The following TMEM63C variants were observed in gnomAD, a reference collection of about 807,000 sequenced individuals.
TMEM63C encodes transmembrane protein 63C, also known as osmosensitive cation channel TMEM63C.
Under a neutral mutation model 99.2 loss-of-function variants are expected in TMEM63C, and 32 were observed. The observed-to-expected ratio is 0.32, with a 90% CI of 0.24 to 0.43. The LOEUF is 0.43. Among genes scored for constraint, TMEM63C ranks in the 20% least tolerant of loss-of-function variants. The pLI is 1.00. For missense variants in TMEM63C, 826 were observed against 1,053.0 expected (o/e 0.78, Z 2.98); for synonymous variants, 376 against 397.9 (o/e 0.94, Z 0.66).
intron 2 of TMEM63C, 27 bp from the exon 3 acceptor site, chr14:77,218,774 C>T (rs370281399): frequency 1.2e-6 from 2 of 1,609,356 alleles, no homozygotes; most frequent in Non-Finnish European, 1.7e-6. Context: ...GTCTTTGCAT[C>T]TGACCTGGAT....
chr14:77,201,484 G>A (rs1234712406), intron 1 of TMEM63C, among the ~76,000 whole-genome samples: 5 of 152,214 alleles, frequency 3.3e-5, no homozygotes, highest in Non-Finnish European at 4.4e-5. Context: ...GGTCAGATGA[G>A]GGAGCTGAAA....
chr14:77,203,944 A>G (rs917967350), intron 1 of TMEM63C, among the ~76,000 whole-genome samples: 4 of 152,168 alleles, frequency 2.6e-5, no homozygotes, highest in Non-Finnish European at 4.4e-5. Flanking sequence ...CTATATCCCT[A>G]TGGCTGCTTC....
In TMEM63C at chr14:77,210,059, C is replaced by A. The variant is rs1221299218; in HGVS notation, c.-76-3387C>A. Among the ~76,000 whole-genome samples, 3 of 152,326 alleles carry A rather than the reference C, an allele frequency of 2.0e-5. No individual in the cohort carries two copies. In the East Asian group the frequency reaches 5.8e-4, roughly 29 times the overall value. Reference sequence around the variant, plus strand: ...GAGGTATCATCCTTTATCCCCAAATCTCTCCACCCTCTCTCCTTATTTAGG... The same window carrying A: ...GAGGTATCATCCTTTATCCCCAAATATCTCCACCCTCTCTCCTTATTTAGG... On this transcript the variant is annotated intron_variant, in intron 1 of 23. Coordinates refer to ENST00000298351, the MANE Select transcript of TMEM63C (RefSeq NM_020431.4).
At position 77,253,332 on chromosome 14, in the gene TMEM63C, T is replaced by A. The variant is rs1447572774; in HGVS notation, c.2176T>A (p.Phe726Ile). 6.2e-7 allele frequency: 1 copy of A among 1,613,190 alleles called. No individual in the cohort carries two copies. Among genetic ancestry groups the A allele is most frequent in the South Asian group, 1.1e-5 (1 of 90,674 alleles). Residue 726 changes from phenylalanine to isoleucine, a missense_variant, in exon 23 of 24, where the codon TTT becomes ATT. Phe to Ile is a conservative substitution (Grantham distance 21, BLOSUM62 0). Coordinates refer to ENST00000298351, the MANE Select transcript of TMEM63C (RefSeq NM_020431.4). ...CGAGGAGGAGGAGATCCAGACAGTGTTTGACATGGAGCCAAGCAGCACCTC... is the reference window on the plus strand; with the variant it reads ...CGAGGAGGAGGAGATCCAGACAGTGATTGACATGGAGCCAAGCAGCACCTC... ...EPEEEEIQTV[F>I]DMEPSSTSST...
intron 8 of TMEM63C, among the ~76,000 whole-genome samples, chr14:77,234,342 AT>A (rs879846680): frequency 6.6e-6 from 1 of 152,088 alleles, no homozygotes; most frequent in Non-Finnish European, 1.5e-5. Context: ...GAAAGGGGCT[AT>A]GGCATCCTCT....
chr14:77,232,917 G>T (rs1191651887), intron 7 of TMEM63C, among the ~76,000 whole-genome samples: 1 of 152,200 alleles, frequency 6.6e-6, no homozygotes, highest in African/African-American at 2.4e-5. Flanking sequence ...GAGTGTCCAT[G>T]CCACCAAATG....
chr14:77,187,799 T>C (rs1207600453), intron 1 of TMEM63C, among the ~76,000 whole-genome samples: 4 of 152,202 alleles, frequency 2.6e-5, no homozygotes, highest in African/African-American at 9.7e-5. Flanking sequence ...TGACTCTGCC[T>C]GCTTCCCCTG....
chr14:77,236,522 G>A (rs565513576), intron 8 of TMEM63C, 102 bp from the exon 9 acceptor site: 2 of 787,002 alleles, frequency 2.5e-6, no homozygotes, highest in Non-Finnish European at 4.3e-6. Flanking sequence ...GGGCTGGGGG[G>A]CCCCAGGAGA....
chr14:77,207,712 G>A lies in TMEM63C; in HGVS notation c.-76-5734G>A, dbSNP rs924299470. Among the ~76,000 whole-genome samples, 20 of 152,302 alleles carry A rather than the reference G, an allele frequency of 1.3e-4. No homozygotes were observed. The East Asian group carries it at 2.1e-3, about 16-fold the overall frequency. ...TGCTACCTCTCATGTTGCTTGTGAG[G>A]AATAAACGATGTTCAGTGGGATAGC... is the stretch of plus-strand genomic sequence containing the variant. On this transcript the variant is annotated intron_variant, in intron 1 of 23. Coordinates refer to ENST00000298351, the MANE Select transcript of TMEM63C (RefSeq NM_020431.4).
intron 7 of TMEM63C, among the ~76,000 whole-genome samples, chr14:77,232,348 C>T (rs1045766589): frequency 3.9e-5 from 6 of 152,060 alleles, no homozygotes; most frequent in Non-Finnish European, 8.8e-5. Context: ...AGTGCAATGG[C>T]GCGATCTCAG....
At chr14:77,226,468 C>T (rs761340254) in intron 6 of TMEM63C, among the ~76,000 whole-genome samples, 4 of 152,208 alleles carry the variant, frequency 2.6e-5, no homozygotes, top group Non-Finnish European at 4.4e-5. Context: ...AGACTCCCTT[C>T]GTAGCATTCA....
chr14:77,219,621 A>C lies in TMEM63C; in HGVS notation c.230+44A>C. 1.9e-6 allele frequency: 3 copies of C among 1,601,486 alleles called. No individual in the cohort carries two copies. The South Asian group carries it at 3.3e-5, about 18-fold the overall frequency. On this transcript the variant is annotated intron_variant, in intron 4 of 23. Coordinates refer to ENST00000298351, the MANE Select transcript of TMEM63C (RefSeq NM_020431.4). ...GGGTGAGCCGTTGCCCCCTTGGGGAAAACCTGTTGCCATGGCCAGGACGCA... is the reference window on the plus strand; with the variant it reads ...GGGTGAGCCGTTGCCCCCTTGGGGACAACCTGTTGCCATGGCCAGGACGCA...
chr14:77,225,696 C>T (rs192443663), intron 6 of TMEM63C, among the ~76,000 whole-genome samples: 45 of 152,320 alleles, frequency 3.0e-4, no homozygotes, highest in Non-Finnish European at 5.6e-4. Flanking sequence ...TAGGGAAGGA[C>T]CACTTTTAAT....
intron 1 of TMEM63C, among the ~76,000 whole-genome samples, chr14:77,198,866 C>G (rs1888252044): frequency 6.6e-6 from 1 of 152,134 alleles, no homozygotes; most frequent in Non-Finnish European, 1.5e-5. Flanking sequence ...AGGGGGCAAA[C>G]CAGAGCATGC....
intron 1 of TMEM63C, among the ~76,000 whole-genome samples, chr14:77,192,811 G>T (rs965981462): frequency 6.6e-6 from 1 of 151,810 alleles, no homozygotes; most frequent in African/African-American, 2.4e-5. Flanking sequence ...GGAAGAGGAA[G>T]AAGAAAAAGA....
chr14:77,184,717 G>A (rs1887969378), intron 1 of TMEM63C, among the ~76,000 whole-genome samples: 1 of 152,190 alleles, frequency 6.6e-6, no homozygotes, highest in South Asian at 2.1e-4. Flanking sequence ...GAGAGCAGTG[G>A]TTTTCACAGC....
chr14:77,219,445 G>C (rs1350068177), intron 3 of TMEM63C, 53 bp from the exon 4 acceptor site: 105 of 1,594,202 alleles, frequency 6.6e-5, no homozygotes, highest in Non-Finnish European at 8.7e-5. Flanking sequence ...GGCCAGCCAA[G>C]GGGAAGGGAT....
At chr14:77,198,585 T>C (rs1399236356) in intron 1 of TMEM63C, among the ~76,000 whole-genome samples, 1 of 152,192 alleles carries the variant, frequency 6.6e-6, no homozygotes, top group Non-Finnish European at 1.5e-5. Flanking sequence ...ACCATCAAAG[T>C]TGTTCTCCAG....
At position 77,234,356 on chromosome 14, in the gene TMEM63C, C is replaced by T. The variant is rs555230778; in HGVS notation, c.542+856C>T. On this transcript the variant is annotated intron_variant, in intron 8 of 23. Coordinates refer to ENST00000298351, the MANE Select transcript of TMEM63C (RefSeq NM_020431.4). ...GGAAAGGGGCTATGGCATCCTCTCACCTCTGCTTTGACCATATCCTCCCCT... is the reference window on the plus strand; with the variant it reads ...GGAAAGGGGCTATGGCATCCTCTCATCTCTGCTTTGACCATATCCTCCCCT... 4.6e-5 allele frequency among the ~76,000 whole-genome samples: 7 copies of T among 152,332 alleles called. No homozygotes were observed. The East Asian group carries it at 9.6e-4, about 21-fold the overall frequency.
Sources: allele counts gnomAD v4.1 joint callset (sites outside exome capture counted in the v4.1 genomes callset), GRCh38; gene constraint gnomAD v4.1.1; transcripts MANE v1.5; gene names NCBI Gene and HGNC (gene_info 2026-07-23, HGNC 2026-07-21).